CAMTA1: variants seen among roughly 807,000 people sequenced by gnomAD.
CAMTA1 encodes calmodulin-binding transcription activator 1.
Under a neutral mutation model 170.9 loss-of-function variants are expected in CAMTA1, and 27 were observed. The observed-to-expected ratio is 0.16, with a 90% confidence interval of 0.12 to 0.22. The LOEUF is 0.22. Ranked by LOEUF, CAMTA1 falls within the 10% of genes least tolerant of loss-of-function variation. The pLI is 1.00. For synonymous variants in CAMTA1, 833 were observed against 891.5 expected, an observed-to-expected ratio of 0.93 and a Z score of 1.17; for missense variants, 1,619 against 2,217.2, an observed-to-expected ratio of 0.73 and a Z score of 5.42.
At chr1:6,886,683 C>T (rs1673320973) in intron 3 of CAMTA1, among the ~76,000 whole-genome samples, 1 of 152,238 alleles carries the variant, frequency 6.6e-6, no homozygotes, top group Non-Finnish European at 1.5e-5. Context: ...GCAAATGAGA[C>T]AGAACCCTCC....
rs141998360 is a variant in CAMTA1 at position 7,710,915 on chromosome 1, G to A, written c.2915-21533G>A. 5.3e-4 allele frequency among the ~76,000 whole-genome samples: 81 copies of A among 152,198 alleles called. No individual in the cohort carries two copies. In the East Asian group the frequency reaches 0.014, roughly 25 times the overall value. ...CTCTTATTGGCCCATCTTGAGTCAC[G>A]TGTCTAATCTCTTGAATAAGGGGAC... is the stretch of plus-strand genomic sequence containing the variant. On this transcript the variant is annotated intron_variant, in intron 11 of 22. Transcript: ENST00000303635.
At chr1:7,480,212 T>TGA (rs1265531198) in intron 6 of CAMTA1, among the ~76,000 whole-genome samples, 2 of 29,932 alleles carry the variant, frequency 6.7e-5, no homozygotes, top group Admixed American at 6.1e-4. Flanking sequence ...TGTGAGTGCA[T>TGA]GTGTGTACGT....
intron 5 of CAMTA1, chr1:7,369,224 C>G (rs2086250596): frequency 6.6e-6 from 1 of 152,190 alleles, no homozygotes; most frequent in South Asian, 2.1e-4. Context: ...CTCTCTGTCA[C>G]AGCTTGCCCA....
At chr1:7,228,275 G>A (rs1036039549) in intron 4 of CAMTA1, among the ~76,000 whole-genome samples, 5 of 152,302 alleles carry the variant, frequency 3.3e-5, no homozygotes, top group South Asian at 2.1e-4. Context: ...CACGCAGCCC[G>A]TCAAAACAAG....
At chr1:7,009,687 G>A (rs1414816601) in intron 3 of CAMTA1, among the ~76,000 whole-genome samples, 1 of 152,216 alleles carries the variant, frequency 6.6e-6, no homozygotes, top group African/African-American at 2.4e-5. Context: ...CCAGAGCCCC[G>A]GTCCGGGCTG....
intron 11 of CAMTA1, among the ~76,000 whole-genome samples, chr1:7,692,700 AG>A (rs1296016415): frequency 2.0e-5 from 3 of 152,110 alleles, no homozygotes; most frequent in Non-Finnish European, 4.4e-5. Context: ...CCCAGCACCC[AG>A]CCTCAGGTTG....
At chr1:7,187,994 G>A (rs1429525676) in intron 4 of CAMTA1, among the ~76,000 whole-genome samples, 1 of 152,204 alleles carries the variant, frequency 6.6e-6, no homozygotes, top group Admixed American at 6.5e-5. Context: ...CATGGCTGGG[G>A]AGGCCTCAGG....
intron 4 of CAMTA1, among the ~76,000 whole-genome samples, chr1:7,217,939 C>G (rs1660049791): frequency 6.6e-6 from 1 of 152,168 alleles, no homozygotes; most frequent in African/African-American, 2.4e-5. Context: ...AGTTCCTTTG[C>G]CAAAGAGTCC....
intron 3 of CAMTA1, among the ~76,000 whole-genome samples, chr1:6,873,452 C>G (rs1668961523): frequency 6.6e-6 from 1 of 152,080 alleles, no homozygotes; most frequent in South Asian, 2.1e-4. Context: ...TGCCTCCATT[C>G]CTCTTGCTCA....
rs144914589 is a variant in CAMTA1, at chr1:7,592,778, G to A, written c.511-47622G>A. Among the ~76,000 whole-genome samples, 339 of 152,212 alleles carry A rather than the reference G, an allele frequency of 2.2e-3. 3 individuals are homozygous for A. Among genetic ancestry groups the A allele is most frequent in the African/African-American group, 7.8e-3 (325 of 41,546 alleles). ...CTACCTTGGAAAATGAGGATTCTCC[G>A]AGAGCTCCTCCCCACCCTCACACAC... On this transcript the variant is annotated intron_variant, in intron 6 of 22. Coordinates refer to ENST00000303635, the MANE Select transcript of CAMTA1 (RefSeq NM_015215.4). The surrounding 1 kb of genome is among the most constrained non-coding windows in gnomAD (Gnocchi z 4.6).
intron 9 of CAMTA1, among the ~76,000 whole-genome samples, chr1:7,668,569 G>T (rs574724883): frequency 6.6e-6 from 1 of 151,518 alleles, no homozygotes; most frequent in Admixed American, 6.6e-5. Context: ...ACCCTCCTGC[G>T]TCATCTCCCA....
Position 6,887,747 on chromosome 1 carries a change from A to G in CAMTA1, c.234+62537A>G. ...CTGACACATTGGAATGAAAGCTGGC[A>G]GAATTCGTAGGGAGAGCTTTCCCAT... On this transcript the variant is annotated intron_variant, in intron 3 of 22. Coordinates refer to ENST00000303635, the MANE Select transcript of CAMTA1 (RefSeq NM_015215.4). This position sits in a 1 kb window ranked among gnomAD's most constrained non-coding sequence, Gnocchi z 4.1. 1.3e-6 allele frequency: 2 copies of G among 1,535,170 alleles called. No homozygotes were observed. The highest frequency in any genetic ancestry group is 1.7e-6 in the Non-Finnish European group (2 of 1,146,520).
chr1:6,899,582 A>ACACG (rs1282949679), intron 3 of CAMTA1, among the ~76,000 whole-genome samples: 2 of 152,122 alleles, frequency 1.3e-5, no homozygotes, highest in Non-Finnish European at 2.9e-5. Flanking sequence ...ACACACACAC[A>ACACG]CACACACACA....
intron 3 of CAMTA1, among the ~76,000 whole-genome samples, chr1:6,868,364 T>G (rs139213664): frequency 6.7e-6 from 1 of 149,942 alleles, no homozygotes; most frequent in East Asian, 2.0e-4. Context: ...AACGACTGTA[T>G]AGGGTTAAAA....
intron 4 of CAMTA1, among the ~76,000 whole-genome samples, chr1:7,211,838 C>CAT (rs1319184975): frequency 2.2e-4 from 34 of 152,178 alleles, no homozygotes; most frequent in Non-Finnish European, 1.3e-4. Flanking sequence ...TACACAAACA[C>CAT]ATATATATCC....
At chr1:7,672,745 C>G (rs2096071507) in intron 10 of CAMTA1, among the ~76,000 whole-genome samples, 1 of 152,102 alleles carries the variant, frequency 6.6e-6, no homozygotes, top group South Asian at 2.1e-4. Flanking sequence ...CTTGCAGCCA[C>G]CAGAGCAGAA....
intron 4 of CAMTA1, among the ~76,000 whole-genome samples, chr1:7,184,130 G>A (rs1472398948): frequency 6.6e-6 from 1 of 152,206 alleles, no homozygotes; most frequent in South Asian, 2.1e-4. Flanking sequence ...AGCCCGGCAC[G>A]GAAAGACAAA....
intron 6 of CAMTA1, among the ~76,000 whole-genome samples, chr1:7,546,113 G>T (rs1427855462): frequency 6.6e-6 from 1 of 152,014 alleles, no homozygotes; most frequent in Non-Finnish European, 1.5e-5. Context: ...CTGCCACCAC[G>T]CCTGGCTAAA....
intron 4 of CAMTA1, among the ~76,000 whole-genome samples, chr1:7,246,370 C>T (rs1306368257): frequency 6.6e-6 from 1 of 152,126 alleles, no homozygotes; most frequent in Non-Finnish European, 1.5e-5. Flanking sequence ...ACGCAAGTGG[C>T]GTGCCCCACT....
Sources: allele counts gnomAD v4.1 joint callset (sites outside exome capture counted in the v4.1 genomes callset), GRCh38; gene constraint gnomAD v4.1.1; non-coding constraint Gnocchi (gnomAD v3.1); transcripts MANE v1.5; gene names NCBI Gene and HGNC (gene_info 2026-07-23, HGNC 2026-07-21).